The following SNRPA1 variants were observed in gnomAD, a reference collection of about 807,000 sequenced individuals.
SNRPA1 encodes U2 small nuclear ribonucleoprotein A'.
SNRPA1 carries 5 observed loss-of-function variants against 32.3 expected under a neutral mutation model. That is an observed-to-expected ratio of 0.15 (90% confidence interval 0.08 to 0.33). The LOEUF (loss-of-function observed/expected upper bound fraction) is 0.33. Among genes scored for constraint, SNRPA1 ranks in the 10% least tolerant of loss-of-function variants. SNRPA1 has a pLI of 1.00. For synonymous variants in SNRPA1, 111 were observed against 120.1 expected (o/e 0.92, Z 0.50); for missense variants, 198 against 311.1 (o/e 0.64, Z 2.74).
At position 101,295,246 on chromosome 15, in the gene SNRPA1, T is replaced by TGCCCCGC; in HGVS notation, c.-69_-68insGCGGGGC. The stretch of plus-strand genomic sequence containing the variant: ...CTCCCGCCAGCGAGACGTCCCAGCG[T>TGCCCCGC]GCCCCGCGCCCCGCCGCCAGGCAGC... On this transcript the variant is annotated 5_prime_UTR_variant, in exon 1 of 9. Coordinates refer to ENST00000254193, the MANE Select transcript of SNRPA1 (RefSeq NM_003090.4). 3.0e-6 allele frequency: 4 copies of TGCCCCGC among 1,349,210 alleles called. No individual in the cohort carries two copies. The highest frequency in any genetic ancestry group is 3.9e-6 in the Non-Finnish European group (4 of 1,020,406). The allele number at this position is 1,349,210 out of a possible 1,614,324, so 83.6% of individuals were successfully genotyped here.
chr15:101,283,575 A>ACAC (rs1464388716), intron 8 of SNRPA1, among the ~76,000 whole-genome samples: 30 of 152,064 alleles, frequency 2.0e-4, no homozygotes, highest in African/African-American at 6.8e-4. Context: ...CAAAACAACA[A>ACAC]CAACAACAAA....
At chr15:101,281,920 G>A (rs2039399586) in intron 8 of SNRPA1, 138 bp from the exon 9 acceptor site, 1 of 773,686 alleles carries the variant, frequency 1.3e-6, no homozygotes, top group South Asian at 1.6e-5. Flanking sequence ...ACCTGCCTTT[G>A]AGGAGCTTAT....
chr15:101,292,235 C>T (rs368793456), intron 2 of SNRPA1, among the ~76,000 whole-genome samples, 195 bp from the exon 3 acceptor site: 1 of 152,186 alleles, frequency 6.6e-6, no homozygotes. Flanking sequence ...TTAGACACTG[C>T]CTGGGGCTAA....
At chr15:101,288,244 ATTTTTT>A (rs34548866) in intron 3 of SNRPA1, 2 of 131,506 alleles carry the variant, frequency 1.5e-5, no homozygotes, top group Non-Finnish European at 3.2e-5. Flanking sequence ...AGGCAGGGTG[ATTTTTT>A]TTTTTTTTTT....
chr15:101,290,547 G>A (rs925020550), intron 3 of SNRPA1, among the ~76,000 whole-genome samples: 7 of 151,706 alleles, frequency 4.6e-5, no homozygotes, highest in Non-Finnish European at 8.8e-5. Flanking sequence ...ACGGGAGGAA[G>A]GTTAAGTCAC....
intron 1 of SNRPA1, among the ~76,000 whole-genome samples, chr15:101,294,647 G>T (rs1044985249): frequency 1.3e-5 from 2 of 152,204 alleles, no homozygotes; most frequent in Non-Finnish European, 2.9e-5. Flanking sequence ...GTTGTTCGGG[G>T]ACTTAGTTTC....
In SNRPA1 at chr15:101,287,642, T is replaced by C. The variant is rs1407804219; in HGVS notation, c.356+14A>G. 1 of 1,608,336 alleles carries C rather than the reference T, an allele frequency of 6.2e-7. No homozygotes were observed. Among genetic ancestry groups the C allele is most frequent in the East Asian group, 2.2e-5 (1 of 44,848 alleles). On this transcript the variant is annotated intron_variant, in intron 4 of 8. Transcript: ENST00000254193. Reference sequence around the variant, plus strand: ...TAAAGGGCTTCATTTTGTCACAATATGTAATTCCCATACCTTAGGTAAGTC... The same window carrying C: ...TAAAGGGCTTCATTTTGTCACAATACGTAATTCCCATACCTTAGGTAAGTC...
At position 101,285,054 on chromosome 15, in the gene SNRPA1, T is replaced by C. The variant is rs780921357; in HGVS notation, c.622A>G (p.Ile208Val). ...TCAGCCAGAGTTGAAGCATTTGCTA[T>C]GGCATTCTGGAGGACAGAGGGCAAT... ...PGDVEAIKNAIANASTLAEVE... is the reference protein window; with the variant it reads ...PGDVEAIKNAVANASTLAEVE... The change falls in exon 8 of 9, where the codon ATA becomes GTA. Residue 208 changes from isoleucine to valine, a missense_variant. By Grantham distance (29) the Ile-to-Val change is conservative (BLOSUM62 3). Coordinates refer to ENST00000254193, the MANE Select transcript of SNRPA1 (RefSeq NM_003090.4). The C allele has an allele frequency of 1.9e-6, 3 of 1,613,440 alleles. No individual in the cohort carries two copies.
chr15:101,287,598 G>A (rs2039470739), intron 4 of SNRPA1, 58 bp downstream of exon 4: 1 of 1,414,330 alleles, frequency 7.1e-7, no homozygotes, highest in African/African-American at 1.4e-5. Context: ...GGTCAAGGCT[G>A]GTAAAAGTAA....
chr15:101,292,610 G>C (rs924258779), intron 2 of SNRPA1, among the ~76,000 whole-genome samples: 3 of 149,654 alleles, frequency 2.0e-5, no homozygotes, highest in African/African-American at 7.4e-5. Flanking sequence ...AAAAAGCAGA[G>C]ACGCTCAGTC....
Position 101,292,097 on chromosome 15 carries a change from TC to T in SNRPA1, c.231-58del. ...AAAATTAAATAAGCTAACAATTTTA[TC>T]TACCTCCTTGCTCAGAGGATCACAG... On this transcript the variant is annotated intron_variant, in intron 2 of 8. Coordinates refer to ENST00000254193, the MANE Select transcript of SNRPA1 (RefSeq NM_003090.4). The T allele has an allele frequency of 2.6e-6, 3 of 1,132,844 alleles. No homozygotes were observed. In the South Asian group the frequency reaches 3.7e-5, roughly 14 times the overall value. 70.2% of individuals were successfully genotyped at this position (1,132,844 alleles called of 1,614,324 possible). A position where few individuals can be genotyped will look rare whatever the true frequency, so the allele number is the denominator to read the frequency against.
chr15:101,284,931 A>G, intron 8 of SNRPA1, 36 bp downstream of exon 8: 1 of 1,507,422 alleles, frequency 6.6e-7, no homozygotes, highest in Non-Finnish European at 9.2e-7. Context: ...TGAGTGTAAC[A>G]TTAATTTGAA....
intron 3 of SNRPA1, among the ~76,000 whole-genome samples, chr15:101,289,646 C>T (rs1208841178): frequency 1.3e-5 from 2 of 151,980 alleles, no homozygotes; most frequent in Non-Finnish European, 2.9e-5. Flanking sequence ...AAAATTCCAA[C>T]CAGAGCTGGG....
At position 101,288,660 on chromosome 15, in the gene SNRPA1, C is replaced by A. The variant is rs1193452652; in HGVS notation, c.310-958G>T. The stretch of plus-strand genomic sequence containing the variant: ...GCTACAACCAAGCTAGATGGCAAGG[C>A]ATTCTGCAGTAACTCTAAAATAGGA... On this transcript the variant is annotated intron_variant, in intron 3 of 8. Transcript: ENST00000254193. 2.0e-5 allele frequency among the ~76,000 whole-genome samples: 3 copies of A among 152,324 alleles called. 1 individual carries two copies. The highest frequency in any genetic ancestry group is 6.8e-3 in the Middle Eastern group (2 of 294).
At chr15:101,285,106 G>T in intron 7 of SNRPA1, 46 bp from the exon 8 acceptor site, 2 of 1,354,252 alleles carry the variant, frequency 1.5e-6, no homozygotes, top group Non-Finnish European at 2.1e-6. Flanking sequence ...CTTCAACCAA[G>T]TATCAGCTAC....
At chr15:101,289,925 C>CAAAAAAAAAAAAAAAAAAAAAAAAAAAAA (rs768320016) in intron 3 of SNRPA1, 6 of 70,012 alleles carry the variant, frequency 8.6e-5, no homozygotes, top group Admixed American at 1.7e-4. Context: ...CACTCCATCT[C>CAAAAAAAAAAAAAAAAAAAAAAAAAAAAA]AAAAAAAAAA....
rs142919478 is a variant in SNRPA1, at chr15:101,293,198, A to C, written c.83-26T>G. 137 of 1,543,386 alleles carry C rather than the reference A, an allele frequency of 8.9e-5. No individual in the cohort carries two copies. The African/African-American group carries it at 1.6e-3, about 18-fold the overall frequency. ...CTATAAAATGGAGGAAAAAAACACAAGAGGTATTAATATAACTAAACAGTT... is the reference window on the plus strand; with the variant it reads ...CTATAAAATGGAGGAAAAAAACACACGAGGTATTAATATAACTAAACAGTT... On this transcript the variant is annotated intron_variant, in intron 1 of 8. Coordinates refer to ENST00000254193, the MANE Select transcript of SNRPA1 (RefSeq NM_003090.4).
At chr15:101,283,980 C>A (rs1233519925) in intron 8 of SNRPA1, among the ~76,000 whole-genome samples, 3 of 152,242 alleles carry the variant, frequency 2.0e-5, no homozygotes, top group Non-Finnish European at 4.4e-5. Flanking sequence ...TAGCTCCCAG[C>A]TCAAACATTA....
At chr15:101,291,459 C>G (rs28539915) in intron 3 of SNRPA1, among the ~76,000 whole-genome samples, 1,618 of 151,450 alleles carry the variant, frequency 0.011, 27 homozygotes, top group African/African-American at 0.038. Context: ...TGCCATTTAA[C>G]TTATTATCCA....
Sources: allele counts gnomAD v4.1 joint callset (sites outside exome capture counted in the v4.1 genomes callset), GRCh38; gene constraint gnomAD v4.1.1; transcripts MANE v1.5; gene names NCBI Gene and HGNC (gene_info 2026-07-23, HGNC 2026-07-21).